Variants in HADH observed in about 807,000 individuals in gnomAD.
HADH encodes the protein hydroxyacyl-CoA dehydrogenase.
A neutral mutation model predicts 32.2 loss-of-function variants in HADH; 24 were observed. That is an observed-to-expected ratio of 0.75 (90% CI 0.54 to 1.05). The LOEUF (loss-of-function observed/expected upper bound fraction) is 1.05, where lower values mean the gene tolerates loss of function less well. HADH is among the 50% of genes least tolerant of loss of function. HADH has a pLI of 0.00. For synonymous variants in HADH, 139 were observed against 152.5 expected, an observed-to-expected ratio of 0.91 and a Z score of 0.65; for missense variants, 350 against 397.1, an observed-to-expected ratio of 0.88 and a Z score of 1.01.
At chr4:108,032,439 A>T in intron 6 of HADH, 1 of 957,992 alleles carries the variant, frequency 1.0e-6, no homozygotes, top group South Asian at 1.4e-5. Flanking sequence ...TACTTGTAAA[A>T]CCCAAAAAAC....
intron 3 of HADH, among the ~76,000 whole-genome samples, chr4:108,016,091 A>G (rs1254636350): frequency 2.0e-5 from 3 of 152,180 alleles, no homozygotes; most frequent in African/African-American, 7.2e-5. Flanking sequence ...TTGACTTCTT[A>G]GCTGGCTGGC....
At position 108,024,933 on chromosome 4, in the gene HADH, G is replaced by A. The variant is rs551067722; in HGVS notation, c.636+1370G>A. 1.8e-4 allele frequency: 28 copies of A among 152,308 alleles called. No individual in the cohort carries two copies. In the East Asian group the frequency reaches 3.1e-3, roughly 17 times the overall value. 9.4% of individuals were successfully genotyped at this position (152,308 alleles called of 1,614,324 possible). ...GTTAGGTCATTCCAGAACTCTCTCT[G>A]TGTGGTATTCTAAGGGCTTTCAGAG... On this transcript the variant is annotated intron_variant, in intron 5 of 7. Coordinates refer to ENST00000309522, the MANE Select transcript of HADH (RefSeq NM_005327.7).
chr4:108,027,833 CTAGG>C (rs1171519671), intron 6 of HADH, 73 bp downstream of exon 6: 1 of 898,554 alleles, frequency 1.1e-6, no homozygotes, highest in African/African-American at 1.6e-5. Context: ...CTCAGTGTCT[CTAGG>C]AGGGGTCGGG....
At chr4:108,025,224 C>G (rs925907696) in intron 5 of HADH, 4 of 152,212 alleles carry the variant, frequency 2.6e-5, no homozygotes, top group Non-Finnish European at 5.9e-5. Flanking sequence ...TTTACCAATA[C>G]TTGACATAGA....
rs1037963311 is a variant in HADH, at chr4:108,032,084, A to C, written c.710-1092A>C. On this transcript the variant is annotated intron_variant, in intron 6 of 7. Coordinates refer to ENST00000309522, the MANE Select transcript of HADH (RefSeq NM_005327.7). ...TTTTAAAAATATATCTTCTTTATCG[A>C]TGTTTAAGTAGTTTCTCTCTGAGTG... The C allele has an allele frequency of 1.0e-5, 4 of 394,516 alleles. No individual in the cohort carries two copies. In the East Asian group the frequency reaches 1.4e-4, roughly 14 times the overall value. The allele number at this position is 394,516 out of a possible 1,614,324, so 24.4% of individuals were successfully genotyped here. A position where few individuals can be genotyped will look rare whatever the true frequency, so the allele number is the denominator to read the frequency against.
At chr4:108,012,447 C>T (rs535994284) in intron 2 of HADH, among the ~76,000 whole-genome samples, 7 of 152,102 alleles carry the variant, frequency 4.6e-5, no homozygotes, top group South Asian at 4.1e-4. Context: ...AAGAGTACAC[C>T]GAACAAAGGA....
chr4:107,996,284 A>G (rs576346010), intron 1 of HADH, among the ~76,000 whole-genome samples: 3 of 152,332 alleles, frequency 2.0e-5, no homozygotes, highest in South Asian at 4.1e-4. Context: ...CTGGAGAGGC[A>G]TTTGGATTTA....
At chr4:107,995,806 A>G (rs1234187658) in intron 1 of HADH, among the ~76,000 whole-genome samples, 1 of 151,922 alleles carries the variant, frequency 6.6e-6, no homozygotes, top group African/African-American at 2.4e-5. Context: ...TATTGTGGGG[A>G]GAAGTGTGGC....
At chr4:108,017,638 T>A (rs964946704) in intron 3 of HADH, among the ~76,000 whole-genome samples, 5 of 151,240 alleles carry the variant, frequency 3.3e-5, no homozygotes, top group Admixed American at 2.6e-4. Flanking sequence ...CACTGAAACC[T>A]CTGCCCCCCA....
chr4:107,994,214 T>C (rs1734892737), intron 1 of HADH, among the ~76,000 whole-genome samples: 5 of 152,108 alleles, frequency 3.3e-5, no homozygotes, highest in Admixed American at 3.3e-4. Flanking sequence ...TGGGGATAGG[T>C]TCTTCTCTCC....
chr4:108,017,379 A>T (rs4446407), intron 3 of HADH, among the ~76,000 whole-genome samples: 3 of 152,002 alleles, frequency 2.0e-5, no homozygotes, highest in South Asian at 2.1e-4. Flanking sequence ...ATCCCCACCA[A>T]CCCTCTTGTC....
intron 1 of HADH, among the ~76,000 whole-genome samples, chr4:108,003,905 T>G (rs1735203781): frequency 6.6e-6 from 1 of 151,856 alleles, no homozygotes; most frequent in African/African-American, 2.4e-5. Flanking sequence ...CATTTAACCC[T>G]CCCAACAACC....
At chr4:108,017,805 T>G (rs1181922233) in intron 3 of HADH, among the ~76,000 whole-genome samples, 1 of 152,204 alleles carries the variant, frequency 6.6e-6, no homozygotes, top group Non-Finnish European at 1.5e-5. Context: ...TGCCTCGGCC[T>G]CCTAAAGTGC....
intron 5 of HADH, chr4:108,027,402 T>TC (rs920388187): frequency 2.0e-6 from 1 of 497,318 alleles, no homozygotes; most frequent in African/African-American, 1.9e-5. Context: ...AATCTGTCTC[T>TC]CCCAAAGCCA....
intron 1 of HADH, among the ~76,000 whole-genome samples, chr4:108,009,107 G>A (rs1266765624): frequency 6.6e-6 from 1 of 152,198 alleles, no homozygotes; most frequent in African/African-American, 2.4e-5. Context: ...ATTTTCTTGG[G>A]AGTCTTGTCA....
At chr4:108,009,977 CT>C (rs11388783) in intron 2 of HADH, 90 bp downstream of exon 2, 20,181 of 541,282 alleles carry the variant, frequency 0.037, 7 homozygotes, top group Middle Eastern at 0.055. Context: ...TTCTTTCTTT[CT>C]TTTTTTTTTT....
intron 4 of HADH, among the ~76,000 whole-genome samples, chr4:108,020,638 T>C (rs1735854416): frequency 6.6e-6 from 1 of 152,114 alleles, no homozygotes; most frequent in South Asian, 2.1e-4. Context: ...CAGTAGGCAA[T>C]TTGCACCTGA....
chr4:108,018,819 C>CGAAA (rs778069881), intron 3 of HADH, among the ~76,000 whole-genome samples: 1 of 152,114 alleles, frequency 6.6e-6, no homozygotes, highest in Non-Finnish European at 1.5e-5. Flanking sequence ...TAAAGCTTTT[C>CGAAA]CTCTCATGCT....
At chr4:107,990,711 G>C (rs79601901) in intron 1 of HADH, among the ~76,000 whole-genome samples, 2,927 of 149,520 alleles carry the variant, frequency 0.02, 58 homozygotes, top group African/African-American at 0.051. Flanking sequence ...CTGAGCTTGC[G>C]ATTTTGGCGC....
Sources: gnomAD v4.1 joint callset for allele counts (sites outside exome capture counted in the v4.1 genomes callset) on GRCh38, gnomAD v4.1.1 for gene constraint, MANE v1.5 for transcripts, NCBI Gene and HGNC (gene_info 2026-07-23, HGNC 2026-07-21) for gene names.